CLSTN2: variants seen among roughly 807,000 people sequenced by gnomAD.
The protein encoded by CLSTN2 is calsyntenin-2.
CLSTN2 carries 48 observed loss-of-function variants against 101.2 expected under a neutral mutation model. The ratio of observed to expected loss-of-function variants is 0.47; its 90% CI spans 0.38 to 0.60. The LOEUF is 0.60. Among genes scored for constraint, CLSTN2 ranks in the 20% least tolerant of loss-of-function variants. The probability of loss-of-function intolerance (pLI) is 0.00; values close to 1 mark genes in which losing one functional copy is unlikely to be tolerated. For synonymous variants in CLSTN2, 481 were observed against 463.6 expected (o/e 1.04, Z -0.48); for missense variants, 1,160 against 1,238.2 (o/e 0.94, Z 0.95).
At chr3:139,949,221 T>A (rs1207023626) in intron 1 of CLSTN2, among the ~76,000 whole-genome samples, 1 of 152,150 alleles carries the variant, frequency 6.6e-6, no homozygotes. Flanking sequence ...CTCACTAGAT[T>A]GCGTTCCTTC....
intron 4 of CLSTN2, among the ~76,000 whole-genome samples, chr3:140,416,107 A>C (rs2088429357): frequency 6.6e-6 from 1 of 152,240 alleles, no homozygotes; most frequent in African/African-American, 2.4e-5. Flanking sequence ...TCCCAGACAC[A>C]GAAATACAAA....
intron 5 of CLSTN2, among the ~76,000 whole-genome samples, chr3:140,428,711 A>T (rs1458340484): frequency 6.6e-6 from 1 of 152,214 alleles, no homozygotes; most frequent in Non-Finnish European, 1.5e-5. Context: ...TCCCAATAAG[A>T]TATCCTATTT....
Position 139,964,082 on chromosome 3 carries a change from GA to G in CLSTN2, c.109+28606del, listed in dbSNP as rs1197239313. On this transcript the variant is annotated intron_variant, in intron 1 of 16. Coordinates refer to ENST00000458420, the MANE Select transcript of CLSTN2 (RefSeq NM_022131.3). The stretch of plus-strand genomic sequence containing the variant: ...AGTAATTTTTTTATATTTCCTCTAG[GA>G]AAAAAATCCAACATTTCATTTTATT... Among the ~76,000 whole-genome samples the G allele has an allele frequency of 7.2e-5, 11 of 152,060 alleles. No homozygotes were observed. The East Asian group carries it at 1.2e-3, about 16-fold the overall frequency.
intron 2 of CLSTN2, among the ~76,000 whole-genome samples, chr3:140,249,620 T>G (rs1417399486): frequency 2.0e-5 from 3 of 152,194 alleles, no homozygotes; most frequent in Non-Finnish European, 4.4e-5. Flanking sequence ...GGCATTATTA[T>G]CTCCATTTTA....
At position 139,954,427 on chromosome 3, in the gene CLSTN2, A is replaced by C. The variant is rs778028631; in HGVS notation, c.109+18944A>C. 3.9e-5 allele frequency among the ~76,000 whole-genome samples: 6 copies of C among 152,200 alleles called. 1 individual carries two copies. Among genetic ancestry groups the C allele is most frequent in the Non-Finnish European group, 8.8e-5 (6 of 68,028 alleles). On this transcript the variant is annotated intron_variant, in intron 1 of 16. Coordinates refer to ENST00000458420, the MANE Select transcript of CLSTN2 (RefSeq NM_022131.3). ...CTGTGCTGTGTTCTGCAGCTGAGGC[A>C]GGCACTGAGCCTGGCAGTGGTGGTG...
chr3:140,332,759 G>A (rs999848345), intron 2 of CLSTN2, among the ~76,000 whole-genome samples: 1 of 151,476 alleles, frequency 6.6e-6, no homozygotes, highest in East Asian at 1.9e-4. Flanking sequence ...GACAGAGATA[G>A]GTAGGAGACA....
chr3:140,287,247 T>C (rs751462628), intron 2 of CLSTN2, among the ~76,000 whole-genome samples: 6 of 152,146 alleles, frequency 3.9e-5, no homozygotes, highest in Non-Finnish European at 5.9e-5. Context: ...TCAAAATCAT[T>C]ATGCTGAGTG....
At chr3:140,281,349 C>T (rs2086845083) in intron 2 of CLSTN2, among the ~76,000 whole-genome samples, 1 of 152,166 alleles carries the variant, frequency 6.6e-6, no homozygotes, top group African/African-American at 2.4e-5. Context: ...GACTTTGAGG[C>T]TCTTTCAGAA....
rs191994043 is a variant in CLSTN2 at position 140,563,998 on chromosome 3, C to A, written c.2520C>A (p.Ser840=). The change falls in exon 16 of 17, where the codon TCC becomes TCA. Residue 840 remains serine (S), a synonymous_variant. Transcript: ENST00000458420. ...PSIATVVIII[S]VCMLVFVVAM... ...TTGCCACAGTGGTCATCATCATCTC[C>A]GTGTGCATGCTTGTGTTTGTCGTGG... 1.2e-6 allele frequency: 2 copies of A among 1,614,010 alleles called. No individual in the cohort carries two copies. Among genetic ancestry groups the A allele is most frequent in the Non-Finnish European group, 1.7e-6 (2 of 1,180,010 alleles).
chr3:140,249,024 A>AGGG (rs1324985221), intron 2 of CLSTN2, among the ~76,000 whole-genome samples: 1 of 152,148 alleles, frequency 6.6e-6, no homozygotes, highest in Non-Finnish European at 1.5e-5. Context: ...TGCAGCATGG[A>AGGG]GGGAGGACCC....
intron 2 of CLSTN2, among the ~76,000 whole-genome samples, chr3:140,366,367 T>C (rs868220155): frequency 6.6e-6 from 1 of 152,192 alleles, no homozygotes; most frequent in Non-Finnish European, 1.5e-5. Context: ...GAACCAGTCA[T>C]GAGACAGGAG....
chr3:140,330,937 A>G (rs1191178710), intron 2 of CLSTN2, among the ~76,000 whole-genome samples: 1 of 152,198 alleles, frequency 6.6e-6, no homozygotes, highest in Non-Finnish European at 1.5e-5. Context: ...GGACAGAATC[A>G]ATAGGCTATA....
chr3:140,491,745 C>A (rs1276606451), intron 8 of CLSTN2, among the ~76,000 whole-genome samples: 1 of 152,044 alleles, frequency 6.6e-6, no homozygotes, highest in African/African-American at 2.4e-5. Context: ...TCACCTGAGC[C>A]CAGGAGGTTG....
At chr3:140,185,104 C>G (rs887465549) in intron 2 of CLSTN2, among the ~76,000 whole-genome samples, 3 of 152,174 alleles carry the variant, frequency 2.0e-5, no homozygotes, top group African/African-American at 7.2e-5. Context: ...CTGTTAACTT[C>G]TTTCATCATC....
intron 2 of CLSTN2, among the ~76,000 whole-genome samples, chr3:140,279,519 T>C (rs577328555): frequency 1.3e-5 from 2 of 152,252 alleles, no homozygotes; most frequent in Non-Finnish European, 2.9e-5. Context: ...GCTATGTTCT[T>C]GAAACCCCTG....
intron 1 of CLSTN2, among the ~76,000 whole-genome samples, chr3:140,164,820 T>C (rs758285360): frequency 6.6e-6 from 1 of 152,178 alleles, no homozygotes; most frequent in Non-Finnish European, 1.5e-5. Context: ...TTTGGGATTG[T>C]CCACACTCTA....
rs1434157266 is a variant in CLSTN2 at position 140,574,397 on chromosome 3, G to T, written c.*8144G>T. 6.6e-6 allele frequency: 1 copy of T among 152,252 alleles called. No individual in the cohort carries two copies. The highest frequency in any genetic ancestry group is 1.5e-5 in the Non-Finnish European group (1 of 68,084). 9.4% of individuals were successfully genotyped at this position (152,252 alleles called of 1,614,324 possible). On this transcript the variant is annotated 3_prime_UTR_variant, in exon 17 of 17. Coordinates refer to ENST00000458420, the MANE Select transcript of CLSTN2 (RefSeq NM_022131.3). ...GGAGCAGGGGTAGATGTGCCTGGGT[G>T]AGGCCTGCTTGCTCCACCGTCGAGG...
At chr3:140,233,843 G>T (rs1396804981) in intron 2 of CLSTN2, among the ~76,000 whole-genome samples, 1 of 152,148 alleles carries the variant, frequency 6.6e-6, no homozygotes, top group Admixed American at 6.5e-5. Context: ...TCTAGAATGG[G>T]GTGCTGCAAG....
At chr3:140,171,723 ATT>A (rs2010225333) in intron 1 of CLSTN2, among the ~76,000 whole-genome samples, 2 of 115,100 alleles carry the variant, frequency 1.7e-5, no homozygotes, top group Admixed American at 2.3e-4. Flanking sequence ...TGTATTATAT[ATT>A]ATATATAATA....
Sources: gnomAD v4.1 joint callset for allele counts (sites outside exome capture counted in the v4.1 genomes callset) on GRCh38, gnomAD v4.1.1 for gene constraint, MANE v1.5 for transcripts, NCBI Gene and HGNC (gene_info 2026-07-23, HGNC 2026-07-21) for gene names.